Variants in LRRC2 observed in about 807,000 individuals in gnomAD.
LRRC2 encodes the protein leucine rich repeat containing 2.
A neutral mutation model predicts 40.2 loss-of-function variants in LRRC2; 27 were observed. That is an observed-to-expected ratio of 0.67 (90% CI 0.49 to 0.93). LRRC2 has a LOEUF of 0.93. LRRC2 is among the 40% of genes least tolerant of loss of function. The pLI is 0.00. For missense variants in LRRC2, 402 were observed against 439.6 expected (o/e 0.91, Z 0.76); for synonymous variants, 147 against 158.9 (o/e 0.92, Z 0.56).
At chr3:46,564,906 T>C (rs953566079) in intron 1 of LRRC2, among the ~76,000 whole-genome samples, 1 of 152,170 alleles carries the variant, frequency 6.6e-6, no homozygotes, top group Admixed American at 6.5e-5. Flanking sequence ...CAAGATACAA[T>C]GGGCAATAAT....
chr3:46,548,967 G>C (rs188956809), intron 2 of LRRC2, among the ~76,000 whole-genome samples: 1 of 150,562 alleles, frequency 6.6e-6, no homozygotes, highest in Admixed American at 6.6e-5. Flanking sequence ...GGTAATGCCC[G>C]CTTGCCCCCT....
intron 3 of LRRC2, among the ~76,000 whole-genome samples, chr3:46,543,650 A>AAAT (rs1553613296): frequency 1.7e-4 from 8 of 46,284 alleles, no homozygotes; most frequent in South Asian, 5.5e-4. Flanking sequence ...TAATAATAAT[A>AAAT]AATAATAAAT....
At chr3:46,534,172 C>G (rs896856116) in intron 4 of LRRC2, among the ~76,000 whole-genome samples, 1 of 152,038 alleles carries the variant, frequency 6.6e-6, no homozygotes, top group East Asian at 1.9e-4. Context: ...TGAGAACATG[C>G]GGTGTTTGGT....
rs549375055 is a variant in LRRC2 at position 46,550,549 on chromosome 3, G to A, written c.125+918C>T. ...TGGGACTACAGGCGCCCGCCACCAC[G>A]CCCGGCTAATTTTTTGTATTTTTAG... On this transcript the variant is annotated intron_variant, in intron 2 of 8. Coordinates refer to ENST00000395905, the MANE Select transcript of LRRC2 (RefSeq NM_024512.5). Among the ~76,000 whole-genome samples the A allele has an allele frequency of 1.3e-4, 19 of 151,920 alleles. No individual in the cohort carries two copies. In the South Asian group the frequency reaches 4.0e-3, roughly 32 times the overall value.
chr3:46,551,440 A>G, intron 2 of LRRC2, 27 bp downstream of exon 2: 1 of 1,607,158 alleles, frequency 6.2e-7, no homozygotes, highest in South Asian at 1.1e-5. Flanking sequence ...CAAACAAGCT[A>G]CAAGACTAGG....
At chr3:46,544,689 C>G (rs7648827) in intron 3 of LRRC2, among the ~76,000 whole-genome samples, 1 of 152,146 alleles carries the variant, frequency 6.6e-6, no homozygotes, top group African/African-American at 2.4e-5. Context: ...TTCGGCACTT[C>G]GGCAAGTAAG....
At position 46,527,549 on chromosome 3, in the gene LRRC2, T is replaced by G; in HGVS notation, c.806A>C (p.Lys269Thr). Reference sequence around the variant, plus strand: ...ATAGGGAAGGTAGGTCAACTTGTTTTTATACAAGAGAAAGCTCTGCAGCTC... The same window carrying G: ...ATAGGGAAGGTAGGTCAACTTGTTTGTATACAAGAGAAAGCTCTGCAGCTC... ...LEELQSFLLY[K>T]NKLTYLPYSM... is the part of the protein sequence containing the mutation. Residue 269 changes from lysine to threonine, a missense_variant, in exon 7 of 9, where the codon AAA (lysine) becomes ACA (threonine). Coordinates refer to ENST00000395905, the MANE Select transcript of LRRC2 (RefSeq NM_024512.5). 1.2e-6 allele frequency: 2 copies of G among 1,614,056 alleles called. No individual in the cohort carries two copies. Among genetic ancestry groups the G allele is most frequent in the Non-Finnish European group, 1.7e-6 (2 of 1,179,932 alleles).
chr3:46,544,215 G>A (rs1031580309), intron 3 of LRRC2, among the ~76,000 whole-genome samples: 5 of 151,942 alleles, frequency 3.3e-5, no homozygotes, highest in African/African-American at 7.3e-5. Context: ...GCAAAACCCC[G>A]CCTCTAGGAA....
rs545056502 is a variant in LRRC2 at position 46,541,610 on chromosome 3, G to A, written c.334-2409C>T. Among the ~76,000 whole-genome samples, 46 of 152,286 alleles carry A rather than the reference G, an allele frequency of 3.0e-4. No homozygotes were observed. In the South Asian group the frequency reaches 9.3e-3, roughly 31 times the overall value. On this transcript the variant is annotated intron_variant, in intron 3 of 8. Transcript: ENST00000395905. ...CCCAGAGCTGCTCAATCTTAGACTA[G>A]CAGCAGAAACAACTGAGATACAACC...
chr3:46,545,059 C>G lies in LRRC2; in HGVS notation c.320G>C (p.Gly107Ala). The change falls in exon 3 of 9, where the codon GGG (glycine) becomes GCG (alanine). Residue 107 changes from glycine to alanine, a missense_variant. Transcript: ENST00000395905. ...GCCTCGACTCACCGTCCAGTGCTCC[C>G]CAGAAAGTTCAAACACAAACGCACT... ...RSSAFVFELS[G>A]EHWTELPDSL... The G allele has an allele frequency of 6.2e-7, 1 of 1,612,686 alleles. No individual in the cohort carries two copies. The highest frequency in any genetic ancestry group is 8.5e-7 in the Non-Finnish European group (1 of 1,179,876).
intron 7 of LRRC2, among the ~76,000 whole-genome samples, chr3:46,527,070 C>A (rs1330791932): frequency 6.6e-6 from 1 of 152,080 alleles, no homozygotes; most frequent in Non-Finnish European, 1.5e-5. Flanking sequence ...CTTAAGGAAA[C>A]CTAAAGAAGG....
chr3:46,529,804 T>C, intron 6 of LRRC2, 101 bp downstream of exon 6: 1 of 1,247,556 alleles, frequency 8.0e-7, no homozygotes, highest in Non-Finnish European at 1.1e-6. Flanking sequence ...AATTAGTTGA[T>C]TCCAAAGAAC....
At chr3:46,547,853 G>C (rs1422028131) in intron 2 of LRRC2, among the ~76,000 whole-genome samples, 1 of 150,204 alleles carries the variant, frequency 6.7e-6, no homozygotes, top group East Asian at 1.9e-4. Flanking sequence ...TTTTCTGTGT[G>C]ATTTAGTTTT....
chr3:46,561,525 C>G (rs1704941973), intron 1 of LRRC2, among the ~76,000 whole-genome samples: 1 of 151,112 alleles, frequency 6.6e-6, no homozygotes. Context: ...TGCACTCCAG[C>G]CTGGGTCTCA....
At chr3:46,521,469 T>G in intron 8 of LRRC2, 53 bp downstream of exon 8, 1 of 1,370,362 alleles carries the variant, frequency 7.3e-7, no homozygotes, top group Non-Finnish European at 9.8e-7. Context: ...ATGTATTACA[T>G]AAGTGGACGT....
At chr3:46,543,646 TAATA>T (rs201208769) in intron 3 of LRRC2, among the ~76,000 whole-genome samples, 1,084 of 95,238 alleles carry the variant, frequency 0.011, 9 homozygotes, top group South Asian at 0.029. Flanking sequence ...ATAATAATAA[TAATA>T]AATAATAAAT....
chr3:46,544,682 G>A (rs1281761869), intron 3 of LRRC2, among the ~76,000 whole-genome samples: 3 of 152,222 alleles, frequency 2.0e-5, no homozygotes, highest in Non-Finnish European at 2.9e-5. Context: ...GCTGCCCTTC[G>A]GCACTTCGGC....
rs1575340032 is a variant in LRRC2 at position 46,515,506 on chromosome 3, C to T, written c.*3508G>A. 6.6e-6 allele frequency: 1 copy of T among 152,076 alleles called. No homozygotes were observed. Among genetic ancestry groups the T allele is most frequent in the Non-Finnish European group, 1.5e-5 (1 of 68,014 alleles). The allele number at this position is 152,076 out of a possible 1,614,324, so 9.4% of individuals were successfully genotyped here. On this transcript the variant is annotated 3_prime_UTR_variant, in exon 9 of 9. Transcript: ENST00000395905. Reference sequence around the variant, plus strand: ...GTCTATTTGCATCATGTCAAATTTTCAAATCTCCATATTTTCACAAGATAT... The same window carrying T: ...GTCTATTTGCATCATGTCAAATTTTTAAATCTCCATATTTTCACAAGATAT...
intron 8 of LRRC2, among the ~76,000 whole-genome samples, chr3:46,521,207 A>G (rs542032063): frequency 8.7e-4 from 133 of 152,292 alleles, no homozygotes; most frequent in Middle Eastern, 3.4e-3. Flanking sequence ...TTAGGATACT[A>G]TTTTGTCAAT....
Sources: gnomAD v4.1 joint callset for allele counts (sites outside exome capture counted in the v4.1 genomes callset) on GRCh38, gnomAD v4.1.1 for gene constraint, MANE v1.5 for transcripts, NCBI Gene and HGNC (gene_info 2026-07-23, HGNC 2026-07-21) for gene names.